Variants in LPP observed in about 807,000 individuals in gnomAD.
The protein encoded by LPP is LIM domain containing preferred translocation partner in lipoma, also known as lipoma-preferred partner.
Under a neutral mutation model 60.4 loss-of-function variants are expected in LPP, and 38 were observed. The observed-to-expected ratio is 0.63, with a 90% CI of 0.49 to 0.83. The LOEUF is 0.83. Ranked by LOEUF, LPP falls within the 40% of genes least tolerant of loss-of-function variation. The probability of loss-of-function intolerance (pLI) is 0.00; values close to 1 mark genes in which losing one functional copy is unlikely to be tolerated. For missense variants in LPP, 902 were observed against 783.6 expected (o/e 1.15, Z -1.80); for synonymous variants, 328 against 290.8 (o/e 1.13, Z -1.30).
At chr3:188,663,239 G>A (rs1016942498) in intron 7 of LPP, among the ~76,000 whole-genome samples, 3 of 152,184 alleles carry the variant, frequency 2.0e-5, no homozygotes, top group Non-Finnish European at 4.4e-5. Context: ...AGACATCTTG[G>A]ATCTGATTAA....
At chr3:188,337,898 T>C (rs1762096454) in intron 2 of LPP, among the ~76,000 whole-genome samples, 1 of 152,246 alleles carries the variant, frequency 6.6e-6, no homozygotes, top group Non-Finnish European at 1.5e-5. Flanking sequence ...GCTACTGATG[T>C]CACTCTTAAA....
At chr3:188,332,098 A>T (rs1333625196) in intron 2 of LPP, among the ~76,000 whole-genome samples, 1 of 151,926 alleles carries the variant, frequency 6.6e-6, no homozygotes, top group Non-Finnish European at 1.5e-5. Flanking sequence ...TCTCTCTTTA[A>T]ATTTTATAAC....
chr3:188,338,294 T>C (rs1284496125), intron 2 of LPP, among the ~76,000 whole-genome samples: 9 of 152,196 alleles, frequency 5.9e-5, no homozygotes, highest in Non-Finnish European at 1.2e-4. Context: ...CTTTAAATTG[T>C]ATGTGGTATT....
intron 2 of LPP, among the ~76,000 whole-genome samples, chr3:188,317,431 G>A (rs1344805404): frequency 3.9e-5 from 6 of 152,060 alleles, no homozygotes; most frequent in Admixed American, 6.5e-5. Flanking sequence ...AAAAATTTTC[G>A]TTATGGCCTT....
rs79621296 is a variant in LPP at position 188,386,950 on chromosome 3, A to G, written c.-9-19162A>G. 7.6e-3 allele frequency among the ~76,000 whole-genome samples: 1,162 copies of G among 152,226 alleles called. 13 individuals carry two copies. The highest frequency in any genetic ancestry group is 0.026 in the African/African-American group (1,090 of 41,516). Reference sequence around the variant, plus strand: ...GCCTTTAGAAAAATAAGGATACAAAATGCTGTGTAGAAAAGAATATGCTAT... The same window carrying G: ...GCCTTTAGAAAAATAAGGATACAAAGTGCTGTGTAGAAAAGAATATGCTAT... On this transcript the variant is annotated intron_variant, in intron 3 of 11. Transcript: ENST00000617246.
rs1297218003 is a variant in LPP, at chr3:188,462,616, GTGTGTGTGTGTGTGTGTGTTAC to G, written c.194-21974_194-21953del. On this transcript the variant is annotated intron_variant, in intron 4 of 11. Coordinates refer to ENST00000617246, the MANE Select transcript of LPP (RefSeq NM_001375462.1). Reference sequence around the variant, plus strand: ...TGTGTGTGTGTGTGTGTGTGTGTGTGTGTGTGTGTGTGTGTGTGTTACTTTTTTGGGTGTTTATTTTTAATTT... The same window carrying G: ...TGTGTGTGTGTGTGTGTGTGTGTGTGTTTTTTGGGTGTTTATTTTTAATTT... 3.7e-3 allele frequency among the ~76,000 whole-genome samples: 484 copies of G among 130,328 alleles called. 5 individuals are homozygous for G. Among genetic ancestry groups the G allele is most frequent in the Non-Finnish European group, 6.4e-3 (375 of 58,542 alleles). 85.5% of individuals were successfully genotyped at this position (130,328 alleles called of 152,430 possible). A position where few individuals can be genotyped will look rare whatever the true frequency, so the allele number is the denominator to read the frequency against.
chr3:188,663,448 A>T (rs11928920), intron 7 of LPP, among the ~76,000 whole-genome samples: 4 of 152,018 alleles, frequency 2.6e-5, no homozygotes, highest in Middle Eastern at 3.4e-3. Context: ...TAAAGATAAA[A>T]CTCTTTCAAA....
In LPP at chr3:188,386,260, GCGCGCACACACACA is replaced by G. The variant is rs1188286964; in HGVS notation, c.-9-19850_-9-19837del. The stretch of plus-strand genomic sequence containing the variant: ...GTAGATAGCACTTAAGTCATAGCAT[GCGCGCACACACACA>G]CACACACACACACACACACACACAC... On this transcript the variant is annotated intron_variant, in intron 3 of 11. Transcript: ENST00000617246. Among the ~76,000 whole-genome samples the G allele has an allele frequency of 1.0e-3, 98 of 96,828 alleles. 1 individual carries two copies. Among genetic ancestry groups the G allele is most frequent in the East Asian group, 2.4e-3 (9 of 3,818 alleles). 63.5% of individuals were successfully genotyped at this position (96,828 alleles called of 152,430 possible).
At chr3:188,325,249 G>A (rs911394475) in intron 2 of LPP, among the ~76,000 whole-genome samples, 1 of 152,108 alleles carries the variant, frequency 6.6e-6, no homozygotes, top group Non-Finnish European at 1.5e-5. Context: ...CCAAAGTGCT[G>A]GAATTACAGG....
chr3:188,737,775 G>A (rs1360153532), intron 8 of LPP, among the ~76,000 whole-genome samples: 7 of 152,136 alleles, frequency 4.6e-5, no homozygotes, highest in Non-Finnish European at 1.0e-4. Flanking sequence ...ATAGAGAACT[G>A]TAGATTCTTT....
intron 4 of LPP, among the ~76,000 whole-genome samples, chr3:188,456,702 C>T (rs568391841): frequency 6.6e-5 from 10 of 152,244 alleles, no homozygotes; most frequent in South Asian, 2.1e-4. Flanking sequence ...GTGAGCACCT[C>T]GAGCAAATAA....
intron 1 of LPP, among the ~76,000 whole-genome samples, chr3:188,181,195 A>G (rs344949): frequency 0.017 from 2,556 of 152,174 alleles, 50 homozygotes; most frequent in African/African-American, 0.058. Flanking sequence ...TCTACTAAAA[A>G]TACAAAAACT....
rs1437020964 is a variant in LPP at position 188,428,649 on chromosome 3, C to A, written c.193+22336C>A. Among the ~76,000 whole-genome samples, 6 of 150,794 alleles carry A rather than the reference C, an allele frequency of 4.0e-5. 1 individual carries two copies. The highest frequency in any genetic ancestry group is 1.5e-4 in the African/African-American group (6 of 41,010). ...TAGAACTGCTAAGGTAGGCCAATCT[C>A]TCACTGATGCTTGAATTCATATAAT... On this transcript the variant is annotated intron_variant, in intron 4 of 11. Transcript: ENST00000617246.
intron 2 of LPP, among the ~76,000 whole-genome samples, chr3:188,264,094 G>A (rs1734600845): frequency 6.6e-6 from 1 of 152,142 alleles, no homozygotes; most frequent in African/African-American, 2.4e-5. Context: ...GTTTGTGTTG[G>A]ACATGTTTGA....
intron 9 of LPP, among the ~76,000 whole-genome samples, chr3:188,794,106 A>G (rs1302609376): frequency 1.3e-5 from 2 of 152,248 alleles, no homozygotes; most frequent in African/African-American, 2.4e-5. Context: ...TACAATATTT[A>G]TACATGGATA....
intron 2 of LPP, among the ~76,000 whole-genome samples, chr3:188,337,108 C>T (rs553638078): frequency 1.3e-5 from 2 of 152,226 alleles, no homozygotes; most frequent in South Asian, 4.1e-4. Flanking sequence ...CACCTGGGCC[C>T]ATGGGGAAGA....
chr3:188,406,565 G>A (rs1783544464), intron 4 of LPP, among the ~76,000 whole-genome samples: 1 of 152,132 alleles, frequency 6.6e-6, no homozygotes, highest in Non-Finnish European at 1.5e-5. Context: ...TAGAAACCTG[G>A]CCTCTTTAGT....
At chr3:188,631,211 AG>A (rs1168442417) in intron 7 of LPP, among the ~76,000 whole-genome samples, 3 of 152,310 alleles carry the variant, frequency 2.0e-5, no homozygotes, top group Admixed American at 6.5e-5. Flanking sequence ...GTTTATACTT[AG>A]AAAAAAAATT....
chr3:188,396,120 T>C (rs1780893613), intron 3 of LPP, among the ~76,000 whole-genome samples: 1 of 152,196 alleles, frequency 6.6e-6, no homozygotes, highest in African/African-American at 2.4e-5. Flanking sequence ...TGATTACTCT[T>C]AGCAGATTAT....
Sources: allele counts gnomAD v4.1 joint callset (sites outside exome capture counted in the v4.1 genomes callset), GRCh38; gene constraint gnomAD v4.1.1; transcripts MANE v1.5; gene names NCBI Gene and HGNC (gene_info 2026-07-23, HGNC 2026-07-21).